Variants in P2RY8 observed in about 807,000 individuals in gnomAD.
P2RY8 encodes P2Y receptor family member 8.
A neutral mutation model predicts 10.0 loss-of-function variants in P2RY8; 6 were observed. The ratio of observed to expected loss-of-function variants is 0.60; its 90% confidence interval spans 0.33 to 1.19. The LOEUF (loss-of-function observed/expected upper bound fraction) is 1.19, where lower values mean the gene tolerates loss of function less well. Ranked by LOEUF, P2RY8 falls within the 50% of genes most tolerant of loss-of-function variation. The pLI is 0.04. For missense variants in P2RY8, 456 were observed against 542.0 expected (o/e 0.84, Z 1.58); for synonymous variants, 276 against 252.5 (o/e 1.09, Z -0.88).
intron 1 of P2RY8, among the ~76,000 whole-genome samples, chrX:1,535,718 C>CACACAG (rs1556688271): frequency 0.13 from 9,691 of 73,120 alleles, 352 homozygotes; most frequent in Non-Finnish European, 0.17. Context: ...CACACACAGA[C>CACACAG]ACACACACAG....
chrX:1,493,402 AG>A (rs1431523348), intron 1 of P2RY8, among the ~76,000 whole-genome samples: 7 of 13,640 alleles, frequency 5.1e-4, no homozygotes, highest in Non-Finnish European at 1.2e-3. Context: ...GGAGGGAAGG[AG>A]GAAGGAGGAG....
At chrX:1,511,238 G>A (rs2092295713) in intron 1 of P2RY8, among the ~76,000 whole-genome samples, 1 of 152,094 alleles carries the variant, frequency 6.6e-6, no homozygotes, top group South Asian at 2.1e-4. Context: ...CCTCATTGGG[G>A]CACATTAAAG....
intron 1 of P2RY8, among the ~76,000 whole-genome samples, chrX:1,486,841 G>A (rs1272386006): frequency 6.6e-6 from 1 of 152,134 alleles, no homozygotes; most frequent in South Asian, 2.1e-4. Flanking sequence ...CCCTGCCCGC[G>A]CTGAGTCCTG....
intron 1 of P2RY8, among the ~76,000 whole-genome samples, chrX:1,476,555 C>G (rs1481334095): frequency 6.6e-6 from 1 of 151,212 alleles, no homozygotes; most frequent in South Asian, 2.1e-4. Flanking sequence ...CCACTGCACT[C>G]CAGCCTGGGT....
At chrX:1,513,607 A>G (rs2092316593) in intron 1 of P2RY8, among the ~76,000 whole-genome samples, 1 of 151,460 alleles carries the variant, frequency 6.6e-6, no homozygotes, top group African/African-American at 2.4e-5. Flanking sequence ...GAATGATCCA[A>G]TCTCAAGGTC....
At chrX:1,523,937 T>G (rs1265331641) in intron 1 of P2RY8, among the ~76,000 whole-genome samples, 10 of 152,186 alleles carry the variant, frequency 6.6e-5, no homozygotes, top group Non-Finnish European at 4.4e-5. Flanking sequence ...GTGACCCACC[T>G]GCCTTGGCCT....
intron 1 of P2RY8, among the ~76,000 whole-genome samples, chrX:1,528,148 G>T (rs1174168164): frequency 6.6e-6 from 1 of 152,218 alleles, no homozygotes; most frequent in Non-Finnish European, 1.5e-5. Flanking sequence ...GAAGTTTCCT[G>T]TGTTCATGCC....
intron 1 of P2RY8, among the ~76,000 whole-genome samples, chrX:1,485,252 C>T (rs1324188607): frequency 1.8e-4 from 28 of 152,052 alleles, no homozygotes; most frequent in Non-Finnish European, 2.8e-4. Context: ...GTTCTCGTGC[C>T]TCAGCCTCCC....
At chrX:1,501,317 G>A (rs1435796610) in intron 1 of P2RY8, among the ~76,000 whole-genome samples, 2 of 152,172 alleles carry the variant, frequency 1.3e-5, no homozygotes, top group East Asian at 3.8e-4. Flanking sequence ...CTTTTGGCCT[G>A]TGTTTGACTT....
intron 1 of P2RY8, among the ~76,000 whole-genome samples, chrX:1,533,702 T>C (rs1238988796): frequency 1.6e-5 from 2 of 125,848 alleles, no homozygotes; most frequent in Non-Finnish European, 3.1e-5. Context: ...TTATATATTA[T>C]ATACTTATAT....
chrX:1,529,024 A>G (rs1488029593), intron 1 of P2RY8, among the ~76,000 whole-genome samples: 1 of 152,168 alleles, frequency 6.6e-6, no homozygotes, highest in Non-Finnish European at 1.5e-5. Context: ...CCAGTTTTGC[A>G]AGTAAAAATG....
intron 1 of P2RY8, among the ~76,000 whole-genome samples, chrX:1,478,246 C>T (rs776382990): frequency 2.6e-4 from 37 of 141,256 alleles, no homozygotes; most frequent in African/African-American, 9.2e-4. Context: ...TGCTGGCAGG[C>T]GTATGTGTGT....
At chrX:1,480,308 T>TA (rs2091919952) in intron 1 of P2RY8, among the ~76,000 whole-genome samples, 1 of 145,562 alleles carries the variant, frequency 6.9e-6, no homozygotes, top group East Asian at 2.0e-4. Flanking sequence ...TTTTTTTTTT[T>TA]ATTGGCTGAG....
chrX:1,465,360 C>T lies in P2RY8; in HGVS notation c.*119G>A. The T allele has an allele frequency of 6.8e-7, 1 of 1,474,440 alleles. No homozygotes were observed. Among genetic ancestry groups the T allele is most frequent in the South Asian group, 1.4e-5 (1 of 73,822 alleles). 91.3% of individuals were successfully genotyped at this position (1,474,440 alleles called of 1,614,324 possible). A position where few individuals can be genotyped will look rare whatever the true frequency, so the allele number is the denominator to read the frequency against. On this transcript the variant is annotated 3_prime_UTR_variant, in exon 2 of 2. Coordinates refer to ENST00000381297, the MANE Select transcript of P2RY8 (RefSeq NM_178129.5). ...GCCTGGAGACCCTTCCCCACCGGGC[C>T]TCTGCAGTGCCTGGGAGCAACGCAG...
At chrX:1,518,537 A>G (rs1371330250) in intron 1 of P2RY8, among the ~76,000 whole-genome samples, 1 of 151,400 alleles carries the variant, frequency 6.6e-6, no homozygotes, top group African/African-American at 2.4e-5. Context: ...AAAGCTCCCT[A>G]GTCCCCCAAA....
intron 1 of P2RY8, among the ~76,000 whole-genome samples, chrX:1,471,477 T>A (rs1400339814): frequency 7.4e-4 from 100 of 135,778 alleles, no homozygotes; most frequent in African/African-American, 2.0e-3. Context: ...TTTTTTTTTT[T>A]AATAATTTTA....
chrX:1,517,095 C>G (rs1399015415), intron 1 of P2RY8, among the ~76,000 whole-genome samples: 2 of 151,752 alleles, frequency 1.3e-5, no homozygotes, highest in Non-Finnish European at 1.5e-5. Flanking sequence ...TAGGAGGAAC[C>G]ACCCCTGCCC....
chrX:1,482,325 T>G (rs2091944342), intron 1 of P2RY8, among the ~76,000 whole-genome samples: 1 of 148,638 alleles, frequency 6.7e-6, no homozygotes, highest in African/African-American at 2.5e-5. Context: ...AGTGGTTGAG[T>G]GTGTGGCTCC....
At chrX:1,507,851 G>A (rs1170383876) in intron 1 of P2RY8, among the ~76,000 whole-genome samples, 1 of 152,122 alleles carries the variant, frequency 6.6e-6, no homozygotes, top group African/African-American at 2.4e-5. Context: ...GCATGGCCGT[G>A]GTCAGACCCA....
Sources: gnomAD v4.1 joint callset for allele counts (sites outside exome capture counted in the v4.1 genomes callset) on GRCh38, gnomAD v4.1.1 for gene constraint, MANE v1.5 for transcripts, NCBI Gene and HGNC (gene_info 2026-07-23, HGNC 2026-07-21) for gene names.